KAZN: variants seen among roughly 807,000 people sequenced by gnomAD.
The protein encoded by KAZN is kazrin.
A neutral mutation model predicts 87.4 loss-of-function variants in KAZN; 40 were observed. The observed-to-expected ratio is 0.46, with a 90% CI of 0.36 to 0.60. The LOEUF (loss-of-function observed/expected upper bound fraction) is 0.60. Ranked by LOEUF, KAZN falls within the 20% of genes least tolerant of loss-of-function variation. The probability of loss-of-function intolerance (pLI) is 0.00; values close to 1 mark genes in which losing one functional copy is unlikely to be tolerated. For missense variants in KAZN, 898 were observed against 1,073.9 expected, an observed-to-expected ratio of 0.84 and a Z score of 2.29; for synonymous variants, 466 against 458.3, an observed-to-expected ratio of 1.02 and a Z score of -0.22.
chr1:14,999,287 T>A (rs1049912405), intron 2 of KAZN, among the ~76,000 whole-genome samples: 4 of 152,240 alleles, frequency 2.6e-5, no homozygotes, highest in African/African-American at 9.6e-5. Flanking sequence ...TCTTACTGCG[T>A]GTGACTTTAG....
At chr1:13,963,353 G>C (rs1462167367) in intron 1 of KAZN, among the ~76,000 whole-genome samples, 1 of 152,106 alleles carries the variant, frequency 6.6e-6, no homozygotes, top group African/African-American at 2.4e-5. Flanking sequence ...AGAACATTCA[G>C]CTCCATTTGG....
chr1:14,428,234 T>C (rs1041535226), intron 2 of KAZN, among the ~76,000 whole-genome samples: 3 of 152,174 alleles, frequency 2.0e-5, no homozygotes, highest in Admixed American at 6.5e-5. Context: ...GCTCAGGAGT[T>C]TGGGTTACTA....
chr1:14,389,310 T>A (rs942040836), intron 2 of KAZN, among the ~76,000 whole-genome samples: 4 of 152,078 alleles, frequency 2.6e-5, no homozygotes, highest in African/African-American at 9.7e-5. Flanking sequence ...TCAAAAAAAC[T>A]AAAAATAGAG....
In KAZN at chr1:14,304,741, C is replaced by A. The variant is rs1211198888; in HGVS notation, c.249+124149C>A. On this transcript the variant is annotated intron_variant, in intron 2 of 16. Coordinates refer to the KAZN transcript ENST00000636203. ...GAAATCTCTTTTCTAGTACATGTGG[C>A]ATTACCACACCACAGTCTTAAGGCA... The A allele has an allele frequency of 3.3e-5, 13 of 397,660 alleles. No homozygotes were observed. In the East Asian group the frequency reaches 4.3e-4, roughly 13 times the overall value. The allele number at this position is 397,660 out of a possible 1,614,324, so 24.6% of individuals were successfully genotyped here. A position where few individuals can be genotyped will look rare whatever the true frequency, so the allele number is the denominator to read the frequency against.
chr1:14,432,531 G>C (rs1666132990), intron 2 of KAZN, among the ~76,000 whole-genome samples: 1 of 152,094 alleles, frequency 6.6e-6, no homozygotes, highest in Non-Finnish European at 1.5e-5. Context: ...ATTGCGATTG[G>C]CTGTGGCTTC....
At chr1:14,912,157 A>G (rs1222829343) in intron 1 of KAZN, among the ~76,000 whole-genome samples, 2 of 151,524 alleles carry the variant, frequency 1.3e-5, no homozygotes, top group African/African-American at 4.8e-5. Flanking sequence ...AAAAAAAAAA[A>G]AAAAAAAAAA....
In KAZN at chr1:14,628,903, G is replaced by A. The variant is rs1276050535; in HGVS notation, c.226+29680G>A. On this transcript the variant is annotated intron_variant, in intron 1 of 14. Coordinates refer to ENST00000376030, the MANE Select transcript of KAZN (RefSeq NM_201628.3). ...GCTCTGTTGTCCAGGCTGGAGTGCA[G>A]TGGCACCATCTCCACTCACTGCAAC... Among the ~76,000 whole-genome samples the A allele has an allele frequency of 2.7e-5, 4 of 147,828 alleles. 1 individual carries two copies. The highest frequency in any genetic ancestry group is 2.1e-4 in the South Asian group (1 of 4,722).
At chr1:14,503,678 A>G (rs1670392865) in intron 2 of KAZN, among the ~76,000 whole-genome samples, 1 of 151,606 alleles carries the variant, frequency 6.6e-6, no homozygotes, top group Non-Finnish European at 1.5e-5. Flanking sequence ...TCCCATGTCC[A>G]ACCCTCCTAA....
intron 1 of KAZN, among the ~76,000 whole-genome samples, chr1:14,779,320 T>G (rs1645265795): frequency 6.6e-6 from 1 of 152,188 alleles, no homozygotes; most frequent in Non-Finnish European, 1.5e-5. Flanking sequence ...ATCCTGCCAC[T>G]AGGAGGCAGT....
intron 1 of KAZN, among the ~76,000 whole-genome samples, chr1:14,627,208 G>A (rs1267157469): frequency 6.6e-6 from 1 of 151,984 alleles, no homozygotes; most frequent in Non-Finnish European, 1.5e-5. Context: ...CGGGAAGGGT[G>A]TGAAGGAGCC....
chr1:14,627,762 G>A (rs1572081215), intron 1 of KAZN, among the ~76,000 whole-genome samples: 1 of 152,142 alleles, frequency 6.6e-6, no homozygotes, highest in Non-Finnish European at 1.5e-5. Context: ...ACCCCCGACC[G>A]CCAAACAACC....
At chr1:14,523,342 T>C (rs761095115) in intron 2 of KAZN, among the ~76,000 whole-genome samples, 8 of 152,166 alleles carry the variant, frequency 5.3e-5, no homozygotes, top group East Asian at 1.9e-4. Context: ...ACCTCTGTGA[T>C]TGTAAGCTTT....
chr1:14,881,491 G>A (rs780501223), intron 1 of KAZN, among the ~76,000 whole-genome samples: 24 of 152,222 alleles, frequency 1.6e-4, no homozygotes, highest in Non-Finnish European at 2.2e-4. Context: ...CCATCTTGCC[G>A]AATCTTCCAT....
At chr1:14,639,356 CG>C (rs1680251385) in intron 1 of KAZN, among the ~76,000 whole-genome samples, 1 of 152,140 alleles carries the variant, frequency 6.6e-6, no homozygotes, top group Non-Finnish European at 1.5e-5. Context: ...TGTAAAAATG[CG>C]ATGCAGAATA....
chr1:13,899,804 CA>C (rs1570220041), intron 1 of KAZN, among the ~76,000 whole-genome samples: 2 of 152,090 alleles, frequency 1.3e-5, no homozygotes, highest in East Asian at 3.9e-4. Context: ...CCACCATGCC[CA>C]GCTAATTTTT....
In KAZN at chr1:14,051,965, T is replaced by C. The variant is rs80121377; in HGVS notation, c.92-128470T>C. On this transcript the variant is annotated intron_variant, in intron 1 of 16. Transcript: ENST00000636203. ...CAAGCCTTATGTTTTTGATCCTCAC[T>C]GTGGACAGTTGCTAGTATAGCAGAG... 3.0e-3 allele frequency among the ~76,000 whole-genome samples: 460 copies of C among 152,350 alleles called. 3 individuals carry two copies. Among genetic ancestry groups the C allele is most frequent in the African/African-American group, 0.011 (442 of 41,588 alleles).
chr1:14,653,145 G>A (rs1557866046), intron 1 of KAZN, among the ~76,000 whole-genome samples: 1 of 152,238 alleles, frequency 6.6e-6, no homozygotes. Flanking sequence ...CCTTTGGAGG[G>A]TGGTTCAGAA....
At position 14,657,721 on chromosome 1, in the gene KAZN, A is replaced by T. The variant is rs547955109; in HGVS notation, c.226+58498A>T. On this transcript the variant is annotated intron_variant, in intron 1 of 14. Transcript: ENST00000376030. ...GAGTTAAGCTCCTTGAGACAGGGAC[A>T]AGTCCTTCTTGATTCCAGGTGAACC... Among the ~76,000 whole-genome samples the T allele has an allele frequency of 3.3e-5, 5 of 152,294 alleles. No homozygotes were observed. The East Asian group carries it at 9.6e-4, about 29-fold the overall frequency.
intron 1 of KAZN, among the ~76,000 whole-genome samples, chr1:14,089,963 TGAG>T (rs1349452431): frequency 6.6e-6 from 1 of 152,176 alleles, no homozygotes; most frequent in Non-Finnish European, 1.5e-5. Flanking sequence ...TAGCGTGTGA[TGAG>T]AAGTTTGTTG....
Sources: allele counts gnomAD v4.1 joint callset (sites outside exome capture counted in the v4.1 genomes callset), GRCh38; gene constraint gnomAD v4.1.1; transcripts MANE v1.5; gene names NCBI Gene and HGNC (gene_info 2026-07-23, HGNC 2026-07-21).